TIA1: variants seen among roughly 807,000 people sequenced by gnomAD.
TIA1 encodes cytotoxic granule associated RNA binding protein TIA1.
TIA1 carries 23 observed loss-of-function variants against 65.9 expected under a neutral mutation model. The observed-to-expected ratio is 0.35, with a 90% CI of 0.25 to 0.49. TIA1 has a LOEUF of 0.49. Ranked by LOEUF, TIA1 falls within the 20% of genes least tolerant of loss-of-function variation. TIA1 has a pLI of 0.98. For synonymous variants in TIA1, 147 were observed against 149.4 expected (o/e 0.98, Z 0.12); for missense variants, 371 against 477.9 (o/e 0.78, Z 2.09).
chr2:70,239,001 A>T (rs765533520), intron 1 of TIA1, among the ~76,000 whole-genome samples: 1 of 152,172 alleles, frequency 6.6e-6, no homozygotes, highest in Non-Finnish European at 1.5e-5. Flanking sequence ...CCCAGGAGTT[A>T]AGAGGCTGCA....
chr2:70,235,718 G>T (rs1201948592), intron 2 of TIA1, among the ~76,000 whole-genome samples: 1 of 152,226 alleles, frequency 6.6e-6, no homozygotes, highest in South Asian at 2.1e-4. Flanking sequence ...CAATTTAATT[G>T]TAAGAGCTGA....
chr2:70,217,392 G>A (rs1042544468), intron 7 of TIA1, among the ~76,000 whole-genome samples: 2 of 139,648 alleles, frequency 1.4e-5, no homozygotes, highest in African/African-American at 2.5e-5. Context: ...GGCTGGTCTC[G>A]AACTTCTTCT....
At chr2:70,216,835 C>T (rs750500453) in intron 8 of TIA1, 51 bp downstream of exon 8, 18 of 1,612,906 alleles carry the variant, frequency 1.1e-5, no homozygotes, top group South Asian at 5.5e-5. Flanking sequence ...TAAAATCTAG[C>T]GTATTTTTCT....
At chr2:70,217,538 C>T (rs761913727) in intron 7 of TIA1, among the ~76,000 whole-genome samples, 8 of 152,274 alleles carry the variant, frequency 5.3e-5, no homozygotes, top group Non-Finnish European at 8.8e-5. Flanking sequence ...GCTGGGACTA[C>T]GGGCACCTGC....
At chr2:70,236,442 G>A (rs895341450) in intron 1 of TIA1, among the ~76,000 whole-genome samples, 1 of 151,678 alleles carries the variant, frequency 6.6e-6, no homozygotes, top group Non-Finnish European at 1.5e-5. Context: ...CAGGTGACCC[G>A]CCTGCTTCAG....
rs1427149098 is a variant in TIA1 at position 70,238,039 on chromosome 2, T to G, written c.27-1864A>C. Among the ~76,000 whole-genome samples, 7 of 150,802 alleles carry G rather than the reference T, an allele frequency of 4.6e-5. No homozygotes were observed. In the East Asian group the frequency reaches 1.2e-3, roughly 26 times the overall value. ...AGCTGGGCGTGGTGGTGGGCGCCTG[T>G]AGTCCCGGCTACTCGGGAGGCTGAG... On this transcript the variant is annotated intron_variant, in intron 1 of 12. Transcript: ENST00000433529.
chr2:70,228,611 G>A, intron 5 of TIA1: 6 of 1,112,268 alleles, frequency 5.4e-6, no homozygotes, highest in Non-Finnish European at 6.6e-6. Context: ...CAAAATTGTT[G>A]GACCAACACT....
chr2:70,232,358 T>C (rs953054141), intron 2 of TIA1, among the ~76,000 whole-genome samples: 2 of 149,300 alleles, frequency 1.3e-5, no homozygotes, highest in African/African-American at 2.5e-5. Flanking sequence ...CTGACCAACA[T>C]GGTGAAACCC....
chr2:70,220,085 GC>G (rs1680578753), intron 7 of TIA1, among the ~76,000 whole-genome samples: 1 of 152,012 alleles, frequency 6.6e-6, no homozygotes, highest in East Asian at 1.9e-4. Flanking sequence ...ATTAAGGTGG[GC>G]CCCAAATCCA....
intron 5 of TIA1, among the ~76,000 whole-genome samples, chr2:70,228,169 ATTAT>A (rs1684617037): frequency 6.6e-6 from 1 of 152,196 alleles, no homozygotes; most frequent in Non-Finnish European, 1.5e-5. Context: ...TCTAATAATA[ATTAT>A]TTACTTTTAT....
At chr2:70,220,841 G>A (rs550694295) in intron 7 of TIA1, among the ~76,000 whole-genome samples, 1 of 151,592 alleles carries the variant, frequency 6.6e-6, no homozygotes, top group African/African-American at 2.4e-5. Context: ...GTTAGGGAAG[G>A]GATGTGAGGA....
intron 5 of TIA1, chr2:70,228,783 C>T: frequency 7.5e-7 from 1 of 1,341,960 alleles, no homozygotes; most frequent in Non-Finnish European, 9.5e-7. Flanking sequence ...CAAATGGTGA[C>T]CTCAAGAAAG....
intron 1 of TIA1, among the ~76,000 whole-genome samples, chr2:70,238,614 G>A (rs1690222523): frequency 6.6e-6 from 1 of 151,862 alleles, no homozygotes; most frequent in Admixed American, 6.6e-5. Flanking sequence ...TGCTTACAGT[G>A]GGATGAGAAA....
intron 3 of TIA1, among the ~76,000 whole-genome samples, chr2:70,229,632 T>C (rs938489677): frequency 3.3e-5 from 5 of 152,192 alleles, no homozygotes; most frequent in Non-Finnish European, 5.9e-5. Flanking sequence ...TTATTTACCA[T>C]GTACAATCCA....
chr2:70,224,524 C>T lies in TIA1; in HGVS notation c.474+30G>A, dbSNP rs1387177351. On this transcript the variant is annotated intron_variant, in intron 7 of 12. Coordinates refer to ENST00000433529, the MANE Select transcript of TIA1 (RefSeq NM_022173.4). Reference sequence around the variant, plus strand: ...GTGTTTCCATTCTTTACTCTTTAAGCATTATCCATGCACTTCTCACTGAGC... The same window carrying T: ...GTGTTTCCATTCTTTACTCTTTAAGTATTATCCATGCACTTCTCACTGAGC... The T allele has an allele frequency of 3.7e-6, 6 of 1,613,332 alleles. No individual in the cohort carries two copies. The East Asian group carries it at 1.1e-4, about 30-fold the overall frequency.
At chr2:70,244,807 C>A (rs927814337) in intron 1 of TIA1, among the ~76,000 whole-genome samples, 19 of 136,988 alleles carry the variant, frequency 1.4e-4, no homozygotes, top group Non-Finnish European at 2.7e-4. Flanking sequence ...TGCATTCCAG[C>A]CTGGGTGACA....
In TIA1 at chr2:70,216,283, A is replaced by T; in HGVS notation, c.689T>A (p.Met230Lys). Reference protein sequence around the residue: ...GVTSGLTEQLMRQTFSPFGQI... With the variant: ...GVTSGLTEQLKRQTFSPFGQI... The stretch of plus-strand genomic sequence containing the variant: ...TCCAAATGGTGAAAAAGTCTGACGC[A>T]TTAGTTGTTCTGTTAGACAAAAAAC... Residue 230 changes from methionine (M) to lysine (K), a missense_variant, in exon 10 of 13, where the codon ATG becomes AAG. Coordinates refer to ENST00000433529, the MANE Select transcript of TIA1 (RefSeq NM_022173.4). 6.3e-7 allele frequency: 1 copy of T among 1,592,378 alleles called. No individual in the cohort carries two copies. Among genetic ancestry groups the T allele is most frequent in the Non-Finnish European group, 8.5e-7 (1 of 1,174,202 alleles).
At chr2:70,234,007 T>C (rs1292820239) in intron 2 of TIA1, among the ~76,000 whole-genome samples, 1 of 152,158 alleles carries the variant, frequency 6.6e-6, no homozygotes, top group East Asian at 1.9e-4. Flanking sequence ...AATCCACAAA[T>C]GATAAAAAGT....
chr2:70,226,273 C>T (rs1683765564), intron 6 of TIA1, among the ~76,000 whole-genome samples: 5 of 152,080 alleles, frequency 3.3e-5, no homozygotes, highest in Admixed American at 2.0e-4. Flanking sequence ...CATGAAATTG[C>T]TAAAATCTGA....
Sources: gnomAD v4.1 joint callset for allele counts (sites outside exome capture counted in the v4.1 genomes callset) on GRCh38, gnomAD v4.1.1 for gene constraint, MANE v1.5 for transcripts, NCBI Gene and HGNC (gene_info 2026-07-23, HGNC 2026-07-21) for gene names.